The following NCOR1 variants were observed in gnomAD, a reference collection of about 807,000 sequenced individuals.
The protein encoded by NCOR1 is nuclear receptor corepressor 1.
NCOR1 carries 63 observed loss-of-function variants against 288.1 expected under a neutral mutation model. The ratio of observed to expected loss-of-function variants is 0.22; its 90% CI spans 0.18 to 0.27. The LOEUF (loss-of-function observed/expected upper bound fraction) is 0.27. Among genes scored for constraint, NCOR1 ranks in the 10% least tolerant of loss-of-function variants. The pLI is 1.00. For missense variants in NCOR1, 2,397 were observed against 3,019.2 expected, an observed-to-expected ratio of 0.79 and a Z score of 4.83; for synonymous variants, 1,007 against 1,065.9, an observed-to-expected ratio of 0.94 and a Z score of 1.08.
At chr17:16,094,594 A>G (rs2066007003) in intron 21 of NCOR1, among the ~76,000 whole-genome samples, 1 of 149,628 alleles carries the variant, frequency 6.7e-6, no homozygotes, top group Non-Finnish European at 1.5e-5. Flanking sequence ...TCCCCTTTCC[A>G]TGGTCTCCCT....
intron 13 of NCOR1, 105 bp from the exon 14 acceptor site, chr17:16,137,517 TAA>T: frequency 1.1e-5 from 7 of 616,626 alleles, no homozygotes; most frequent in Admixed American, 3.5e-5. Context: ...AAAGTAAAAT[TAA>T]AGAAAAAGAA....
At chr17:16,140,880 A>G (rs995477009) in intron 11 of NCOR1, among the ~76,000 whole-genome samples, 2 of 152,054 alleles carry the variant, frequency 1.3e-5, no homozygotes, top group African/African-American at 4.8e-5. Context: ...AGTCCCAGCT[A>G]TTCAGGAGAC....
At chr17:16,048,687 A>AG (rs2058957854) in intron 41 of NCOR1, among the ~76,000 whole-genome samples, 158 bp downstream of exon 41, 1 of 152,202 alleles carries the variant, frequency 6.6e-6, no homozygotes, top group South Asian at 2.1e-4. Context: ...AAAATACACT[A>AG]GCATTAGATG....
intron 19 of NCOR1, among the ~76,000 whole-genome samples, chr17:16,104,864 G>C (rs1417114275): frequency 6.6e-6 from 1 of 152,124 alleles, no homozygotes; most frequent in Non-Finnish European, 1.5e-5. Flanking sequence ...AGGTATTATA[G>C]AAAAAAGTGA....
intron 6 of NCOR1, among the ~76,000 whole-genome samples, chr17:16,156,664 C>T (rs2079861411): frequency 6.6e-6 from 1 of 151,982 alleles, no homozygotes; most frequent in Admixed American, 6.6e-5. Flanking sequence ...ATTTGGTTTT[C>T]TTCATAAAAT....
At position 16,064,118 on chromosome 17, in the gene NCOR1, C is replaced by T. The variant is rs1013043730; in HGVS notation, c.5171G>A (p.Arg1724Gln). The change falls in exon 35 of 46, where the codon CGG becomes CAG. Residue 1724 changes from arginine (R) to glutamine (Q), a missense_variant. Arg to Gln is a conservative substitution (Grantham distance 43). Transcript: ENST00000268712. ...REREREREKERERERIAAASS... is the reference protein window; with the variant it reads ...REREREREKEQERERIAAASS... ...AGCTGCAGCAATCCGTTCCCGCTCC[C>T]GCTCCTTCTCCCGCTCCCGTTCCCG... The T allele has an allele frequency of 4.3e-6, 7 of 1,613,974 alleles. No homozygotes were observed. Among genetic ancestry groups the T allele is most frequent in the Admixed American group, 1.7e-5 (1 of 59,992 alleles).
chr17:16,165,563 C>A (rs1049666257), intron 4 of NCOR1, among the ~76,000 whole-genome samples: 1 of 152,204 alleles, frequency 6.6e-6, no homozygotes, highest in Non-Finnish European at 1.5e-5. Flanking sequence ...CCAGGTAAAA[C>A]CTGTGTGTCC....
chr17:16,208,035 CTTTTTTTTT>C (rs71150278), intron 1 of NCOR1, among the ~76,000 whole-genome samples: 1 of 72,570 alleles, frequency 1.4e-5, no homozygotes, highest in Non-Finnish European at 2.5e-5. Context: ...ATATTTCTTT[CTTTTTTTTT>C]TTTTTTTTTT....
rs188145900 is a variant in NCOR1 at position 16,055,054 on chromosome 17, G to A, written c.6392+2460C>T. 1.5e-3 allele frequency among the ~76,000 whole-genome samples: 231 copies of A among 152,282 alleles called. 2 individuals carry two copies. Among genetic ancestry groups the A allele is most frequent in the East Asian group, 3.1e-3 (16 of 5,180 alleles). On this transcript the variant is annotated intron_variant, in intron 40 of 45. Transcript: ENST00000268712. Reference sequence around the variant, plus strand: ...TCCTGGCAAGACTGTGGAGAAAATGGAACACTTATACACTGTTGGTGGGAG... The same window carrying A: ...TCCTGGCAAGACTGTGGAGAAAATGAAACACTTATACACTGTTGGTGGGAG...
intron 5 of NCOR1, among the ~76,000 whole-genome samples, chr17:16,163,856 A>G (rs2081407929): frequency 6.6e-6 from 1 of 152,238 alleles, no homozygotes; most frequent in African/African-American, 2.4e-5. Flanking sequence ...TACGACATGG[A>G]TGAATCAGGA....
chr17:16,195,477 A>T (rs1045954777), intron 1 of NCOR1, among the ~76,000 whole-genome samples: 2 of 121,762 alleles, frequency 1.6e-5, no homozygotes, highest in African/African-American at 5.5e-5. Flanking sequence ...TCTCAAAAAA[A>T]AAAAGAAAGA....
chr17:16,126,349 A>T (rs2074040685), intron 14 of NCOR1, 143 bp from the exon 15 acceptor site: 1 of 807,110 alleles, frequency 1.2e-6, no homozygotes, highest in Non-Finnish European at 1.8e-6. Flanking sequence ...GTTAAAAACC[A>T]GTCTAGAGGT....
chr17:16,051,293 A>T (rs1469153844), intron 40 of NCOR1, among the ~76,000 whole-genome samples: 1 of 152,176 alleles, frequency 6.6e-6, no homozygotes, highest in Non-Finnish European at 1.5e-5. Flanking sequence ...GCCATTTTTA[A>T]GATTTATTGC....
intron 2 of NCOR1, among the ~76,000 whole-genome samples, chr17:16,191,663 G>A (rs1055204973): frequency 2.0e-5 from 3 of 152,124 alleles, no homozygotes; most frequent in African/African-American, 4.8e-5. Flanking sequence ...CATGCAACAT[G>A]AGTAATTGGA....
intron 23 of NCOR1, among the ~76,000 whole-genome samples, chr17:16,081,361 A>G (rs1012986248): frequency 1.5e-5 from 2 of 131,310 alleles, no homozygotes; most frequent in African/African-American, 5.8e-5. Flanking sequence ...AAAGGCTTGT[A>G]GAAATCTGGA....
chr17:16,080,377 T>G, intron 25 of NCOR1, 31 bp downstream of exon 25: 1 of 1,553,392 alleles, frequency 6.4e-7, no homozygotes, highest in Non-Finnish European at 8.8e-7. Flanking sequence ...GGGACAAAAG[T>G]TTAACATTTC....
intron 20 of NCOR1, among the ~76,000 whole-genome samples, chr17:16,100,944 C>T (rs561427942): frequency 6.6e-6 from 1 of 152,302 alleles, no homozygotes; most frequent in East Asian, 1.9e-4. Flanking sequence ...CTGCCCTCCT[C>T]AGGCACAACA....
At chr17:16,144,793 G>A (rs575009381) in intron 10 of NCOR1, among the ~76,000 whole-genome samples, 2 of 146,748 alleles carry the variant, frequency 1.4e-5, no homozygotes, top group African/African-American at 5.1e-5. Context: ...GCTTTCCACG[G>A]TCTCCCCTCT....
At chr17:16,198,395 C>G (rs1407420078) in intron 1 of NCOR1, 3 of 144,484 alleles carry the variant, frequency 2.1e-5, no homozygotes, top group African/African-American at 7.8e-5. Flanking sequence ...GGCAATTATT[C>G]TCATCAATTT....
Sources: allele counts gnomAD v4.1 joint callset (sites outside exome capture counted in the v4.1 genomes callset), GRCh38; gene constraint gnomAD v4.1.1; transcripts MANE v1.5; gene names NCBI Gene and HGNC (gene_info 2026-07-23, HGNC 2026-07-21).